AUTS2: variants seen among roughly 807,000 people sequenced by gnomAD.
AUTS2 encodes activator of transcription and developmental regulator AUTS2, also known as autism susceptibility gene 2 protein.
In AUTS2, 17 loss-of-function variants were observed where a neutral mutation model predicts 112.4. The ratio of observed to expected loss-of-function variants is 0.15; its 90% CI spans 0.10 to 0.23. The LOEUF (loss-of-function observed/expected upper bound fraction) is 0.23, where lower values mean the gene tolerates loss of function less well. Among genes scored for constraint, AUTS2 ranks in the 10% least tolerant of loss-of-function variants. AUTS2 has a pLI of 1.00. For missense variants in AUTS2, 1,510 were observed against 1,701.6 expected (o/e 0.89, Z 1.98); for synonymous variants, 751 against 702.7 (o/e 1.07, Z -1.09).
intron 6 of AUTS2, among the ~76,000 whole-genome samples, chr7:70,706,248 A>G (rs1196603956): frequency 6.6e-6 from 1 of 152,212 alleles, no homozygotes; most frequent in African/African-American, 2.4e-5. Context: ...AGGCCAAAGG[A>G]GGAGTCCCCA....
chr7:70,725,977 G>A (rs549747256), intron 6 of AUTS2, among the ~76,000 whole-genome samples: 6 of 150,318 alleles, frequency 4.0e-5, no homozygotes, highest in Non-Finnish European at 7.4e-5. Context: ...AGCAGAGATC[G>A]TGCCACTGCA....
At chr7:69,919,199 T>C (rs1453567333) in intron 2 of AUTS2, among the ~76,000 whole-genome samples, 1 of 152,200 alleles carries the variant, frequency 6.6e-6, no homozygotes, top group Non-Finnish European at 1.5e-5. Flanking sequence ...TGAGACCCCT[T>C]CTACACTTTT....
chr7:70,771,525 C>T (rs1456985048), intron 10 of AUTS2, 24 bp from the exon 11 acceptor site: 1 of 1,572,328 alleles, frequency 6.4e-7, no homozygotes, highest in Non-Finnish European at 8.7e-7. Flanking sequence ...AATCTTTTTT[C>T]CCCCTCTCCG....
chr7:69,907,028 G>A (rs999029092), intron 2 of AUTS2, among the ~76,000 whole-genome samples: 3 of 152,080 alleles, frequency 2.0e-5, no homozygotes, highest in Non-Finnish European at 2.9e-5. Flanking sequence ...GATTGCAAGG[G>A]CCCAGGAAGT....
intron 4 of AUTS2, among the ~76,000 whole-genome samples, chr7:70,421,448 C>T (rs1795216335): frequency 6.6e-6 from 1 of 152,062 alleles, no homozygotes; most frequent in Admixed American, 6.5e-5. Flanking sequence ...CAGTAGGGAA[C>T]TCCAGCATGG....
rs542118790 is a variant in AUTS2, at chr7:70,164,869, A to G, written c.660+30298A>G. ...TCACGTAAGATAAAAAAAAAAGGTGACTGTTCAAGATGTAAAATAGTCAAC... is the reference window on the plus strand; with the variant it reads ...TCACGTAAGATAAAAAAAAAAGGTGGCTGTTCAAGATGTAAAATAGTCAAC... On this transcript the variant is annotated intron_variant, in intron 4 of 18. Coordinates refer to ENST00000342771, the MANE Select transcript of AUTS2 (RefSeq NM_015570.4). Among the ~76,000 whole-genome samples, 236 of 152,274 alleles carry G rather than the reference A, an allele frequency of 1.5e-3. 1 individual carries two copies. Among genetic ancestry groups the G allele is most frequent in the African/African-American group, 5.6e-3 (231 of 41,558 alleles).
At chr7:69,608,556 G>T (rs961272122) in intron 1 of AUTS2, among the ~76,000 whole-genome samples, 1 of 152,156 alleles carries the variant, frequency 6.6e-6, no homozygotes, top group Non-Finnish European at 1.5e-5. Flanking sequence ...GCTAAAGGTT[G>T]CTGGTTAAAT....
rs146170547 is a variant in AUTS2, at chr7:70,497,219, G to A, written c.690+61438G>A. ...ACACACATGCACATGTCACATCAGC[G>A]TCGATCACACACCCCACTCACACAC... On this transcript the variant is annotated intron_variant, in intron 5 of 18. Transcript: ENST00000342771. Among the ~76,000 whole-genome samples, 1,077 of 131,484 alleles carry A rather than the reference G, an allele frequency of 8.2e-3. 3 individuals carry two copies. The highest frequency in any genetic ancestry group is 0.029 in the Middle Eastern group (6 of 206). 86.3% of individuals were successfully genotyped at this position (131,484 alleles called of 152,430 possible).
chr7:70,524,620 G>T lies in AUTS2; in HGVS notation c.690+88839G>T, dbSNP rs149316410. Reference sequence around the variant, plus strand: ...CATCAGGGAAGTACCTCTTGAGTCTGTCCTGTGAAAGTCAACCCAGTTTCT... The same window carrying T: ...CATCAGGGAAGTACCTCTTGAGTCTTTCCTGTGAAAGTCAACCCAGTTTCT... On this transcript the variant is annotated intron_variant, in intron 5 of 18. Transcript: ENST00000342771. Among the ~76,000 whole-genome samples, 335 of 152,310 alleles carry T rather than the reference G, an allele frequency of 2.2e-3. 1 individual carries two copies. Among genetic ancestry groups the T allele is most frequent in the African/African-American group, 7.7e-3 (322 of 41,566 alleles).
At chr7:69,856,997 G>A (rs542649919) in intron 1 of AUTS2, among the ~76,000 whole-genome samples, 52 of 152,284 alleles carry the variant, frequency 3.4e-4, no homozygotes, top group African/African-American at 1.2e-3. Context: ...CGGCTCCAGA[G>A]GAGGGGATGC....
At chr7:70,277,787 G>A (rs1365854107) in intron 4 of AUTS2, among the ~76,000 whole-genome samples, 4 of 152,154 alleles carry the variant, frequency 2.6e-5, no homozygotes, top group Non-Finnish European at 4.4e-5. Context: ...CCCAGACTAT[G>A]TAAATGATAG....
chr7:69,805,068 T>C (rs1176236002), intron 1 of AUTS2, among the ~76,000 whole-genome samples: 1 of 152,198 alleles, frequency 6.6e-6, no homozygotes, highest in Admixed American at 6.5e-5. Flanking sequence ...TTTGGTGCAG[T>C]TGATTGTCAG....
chr7:69,834,167 C>T (rs1372026128), intron 1 of AUTS2, among the ~76,000 whole-genome samples: 1 of 152,162 alleles, frequency 6.6e-6, no homozygotes, highest in South Asian at 2.1e-4. Context: ...TCTTTACAGG[C>T]TGGCTAGCGT....
At chr7:69,786,715 A>G (rs1562882559) in intron 1 of AUTS2, among the ~76,000 whole-genome samples, 1 of 152,142 alleles carries the variant, frequency 6.6e-6, no homozygotes, top group Non-Finnish European at 1.5e-5. Flanking sequence ...CGGCCTCCCA[A>G]AGTGCTGGGA....
chr7:70,754,825 A>G (rs1342484652), intron 6 of AUTS2, among the ~76,000 whole-genome samples: 2 of 152,152 alleles, frequency 1.3e-5, no homozygotes, highest in Non-Finnish European at 2.9e-5. Flanking sequence ...GGATGGATGG[A>G]TGTTCTAGGA....
At chr7:70,080,171 A>T (rs1803233611) in intron 2 of AUTS2, among the ~76,000 whole-genome samples, 1 of 152,226 alleles carries the variant, frequency 6.6e-6, no homozygotes. Flanking sequence ...TAAAAGAATG[A>T]TGGAGGAAAT....
At chr7:69,714,050 T>C (rs569529339) in intron 1 of AUTS2, among the ~76,000 whole-genome samples, 1 of 152,134 alleles carries the variant, frequency 6.6e-6, no homozygotes, top group South Asian at 2.1e-4. Context: ...AATTAATTTT[T>C]GTATATGGAT....
At chr7:69,866,423 C>T (rs1014103574) in intron 1 of AUTS2, among the ~76,000 whole-genome samples, 7 of 152,120 alleles carry the variant, frequency 4.6e-5, no homozygotes, top group African/African-American at 1.7e-4. Context: ...CATGATTGCC[C>T]CCCTGGAGTG....
intron 2 of AUTS2, among the ~76,000 whole-genome samples, chr7:69,916,238 G>C (rs1205651566): frequency 2.0e-5 from 3 of 152,156 alleles, no homozygotes; most frequent in Non-Finnish European, 4.4e-5. Context: ...TTATCAAAAT[G>C]CTGTTTATTC....
Sources: allele counts gnomAD v4.1 joint callset (sites outside exome capture counted in the v4.1 genomes callset), GRCh38; gene constraint gnomAD v4.1.1; transcripts MANE v1.5; gene names NCBI Gene and HGNC (gene_info 2026-07-23, HGNC 2026-07-21).